The following PDE10A variants were observed in gnomAD, a reference collection of about 807,000 sequenced individuals.
PDE10A encodes cAMP and cAMP-inhibited cGMP 3',5'-cyclic phosphodiesterase 10A.
PDE10A carries 39 observed loss-of-function variants against 97.7 expected under a neutral mutation model. That is an observed-to-expected ratio of 0.40 (90% CI 0.31 to 0.52). The LOEUF (loss-of-function observed/expected upper bound fraction) is 0.52. Ranked by LOEUF, PDE10A falls within the 20% of genes least tolerant of loss-of-function variation. The probability of loss-of-function intolerance (pLI) is 0.56; values close to 1 mark genes in which losing one functional copy is unlikely to be tolerated. For missense variants in PDE10A, 731 were observed against 1,047.8 expected (o/e 0.70, Z 4.17); for synonymous variants, 371 against 376.8 (o/e 0.98, Z 0.18).
intron 1 of PDE10A, among the ~76,000 whole-genome samples, chr6:165,615,110 T>C (rs1787666928): frequency 6.6e-6 from 1 of 150,642 alleles, no homozygotes; most frequent in Non-Finnish European, 1.5e-5. Flanking sequence ...CTCAGGAGGC[T>C]GAGGCAGGAG....
intron 13 of PDE10A, among the ~76,000 whole-genome samples, chr6:165,405,394 A>T (rs142869026): frequency 6.6e-6 from 1 of 152,332 alleles, no homozygotes; most frequent in Non-Finnish European, 1.5e-5. Flanking sequence ...CAAACCAGCT[A>T]TATATTTAAC....
At chr6:165,479,061 C>T (rs1269839743) in intron 3 of PDE10A, among the ~76,000 whole-genome samples, 1 of 152,148 alleles carries the variant, frequency 6.6e-6, no homozygotes, top group Admixed American at 6.5e-5. Context: ...CTCAGAACCT[C>T]CTGAGGTTGT....
At chr6:165,863,977 T>C (rs111702993) in intron 1 of PDE10A, among the ~76,000 whole-genome samples, 2 of 152,288 alleles carry the variant, frequency 1.3e-5, no homozygotes, top group South Asian at 2.1e-4. Flanking sequence ...CTAAAGGGAA[T>C]ATGCCTAAGG....
chr6:165,623,199 C>T (rs1448696918), intron 1 of PDE10A, among the ~76,000 whole-genome samples: 2 of 152,190 alleles, frequency 1.3e-5, no homozygotes, highest in Non-Finnish European at 2.9e-5. Context: ...GATCTCAGCT[C>T]ACTGCAACCT....
intron 3 of PDE10A, 123 bp downstream of exon 3, chr6:165,482,192 G>A: frequency 2.6e-6 from 2 of 761,564 alleles, no homozygotes; most frequent in Admixed American, 1.8e-5. Flanking sequence ...TGATACTTTG[G>A]AGAGGAAACT....
At chr6:165,763,466 G>A (rs923220171) in intron 1 of PDE10A, among the ~76,000 whole-genome samples, 8 of 152,128 alleles carry the variant, frequency 5.3e-5, no homozygotes, top group African/African-American at 1.9e-4. Flanking sequence ...GGGATTACAG[G>A]CGCCCACCAC....
chr6:165,484,695 G>A (rs1052283637), intron 2 of PDE10A, among the ~76,000 whole-genome samples: 1 of 152,216 alleles, frequency 6.6e-6, no homozygotes, highest in Non-Finnish European at 1.5e-5. Context: ...GTGACAAGCT[G>A]CATCTGGCTG....
intron 1 of PDE10A, among the ~76,000 whole-genome samples, chr6:165,570,818 G>A (rs76924967): frequency 9.8e-4 from 149 of 152,258 alleles, no homozygotes; most frequent in Non-Finnish European, 1.8e-3. Flanking sequence ...TCCAAACACT[G>A]AATCAGCAAA....
chr6:165,926,140 G>A (rs1292123714), intron 1 of PDE10A, among the ~76,000 whole-genome samples: 1 of 152,176 alleles, frequency 6.6e-6, no homozygotes, highest in Non-Finnish European at 1.5e-5. Context: ...TCTGCCTGGA[G>A]CAACCCTGGC....
At chr6:165,679,688 G>A (rs1343614078) in intron 1 of PDE10A, among the ~76,000 whole-genome samples, 3 of 152,292 alleles carry the variant, frequency 2.0e-5, no homozygotes, top group East Asian at 1.9e-4. Flanking sequence ...AAGTGTTTGC[G>A]ACCTACAGAA....
At chr6:165,566,056 T>C (rs539254816) in intron 1 of PDE10A, among the ~76,000 whole-genome samples, 2 of 152,094 alleles carry the variant, frequency 1.3e-5, no homozygotes, top group Non-Finnish European at 2.9e-5. Context: ...AAAGACAAGA[T>C]CCATGAAAGA....
chr6:165,372,072 G>GT (rs1236202619), intron 18 of PDE10A, among the ~76,000 whole-genome samples: 1 of 150,236 alleles, frequency 6.7e-6, no homozygotes, highest in African/African-American at 2.5e-5. Flanking sequence ...TTGATAGGAC[G>GT]TATCTCAAAA....
At position 165,343,514 on chromosome 6, in the gene PDE10A, C is replaced by A. The variant is rs1188806718; in HGVS notation, c.2784-12G>T. The A allele has an allele frequency of 1.3e-6, 2 of 1,552,600 alleles. No individual in the cohort carries two copies. Among genetic ancestry groups the A allele is most frequent in the East Asian group, 2.2e-5 (1 of 44,574 alleles). On this transcript the variant is annotated splice_polypyrimidine_tract_variant and intron_variant, in intron 18 of 21. Transcript: ENST00000539869. ...CAATTACACGGTCTCTAGAACACAA[C>A]AATATAAGACTGGTCAGCATAGCAT... is the stretch of plus-strand genomic sequence containing the variant.
rs78721116 is a variant in PDE10A, at chr6:165,416,166, T to G, written c.1889+23A>C. 3.0e-3 allele frequency: 4,287 copies of G among 1,434,544 alleles called. 22 individuals carry two copies. The highest frequency in any genetic ancestry group is 0.01 in the Middle Eastern group (58 of 5,720). The allele number at this position is 1,434,544 out of a possible 1,614,324, so 88.9% of individuals were successfully genotyped here. A position where few individuals can be genotyped will look rare whatever the true frequency, so the allele number is the denominator to read the frequency against. On this transcript the variant is annotated intron_variant, in intron 12 of 21. Transcript: ENST00000539869. ...GACATCACAGAAGAAATCAATGGAG[T>G]GTCGACATCAGCTATTTCTTACCTG...
intron 13 of PDE10A, among the ~76,000 whole-genome samples, chr6:165,407,341 C>T (rs1278123094): frequency 1.3e-5 from 2 of 152,134 alleles, no homozygotes; most frequent in Middle Eastern, 3.2e-3. Flanking sequence ...CACATACTTG[C>T]TATGTGCCCT....
At chr6:165,523,819 C>T (rs768756530) in intron 2 of PDE10A, among the ~76,000 whole-genome samples, 12 of 152,066 alleles carry the variant, frequency 7.9e-5, no homozygotes, top group Admixed American at 2.0e-4. Flanking sequence ...ACAAACAGAC[C>T]ATTGTGACGG....
At chr6:165,334,523 T>C (rs981950481) in intron 21 of PDE10A, among the ~76,000 whole-genome samples, 1 of 152,266 alleles carries the variant, frequency 6.6e-6, no homozygotes, top group Admixed American at 6.5e-5. Flanking sequence ...TCCAAGTACC[T>C]GGCATAAAAC....
At chr6:165,583,306 T>C (rs189744501) in intron 1 of PDE10A, among the ~76,000 whole-genome samples, 2 of 152,326 alleles carry the variant, frequency 1.3e-5, no homozygotes, top group Admixed American at 6.5e-5. Context: ...CTTTAACGTA[T>C]ATTCTCTACC....
chr6:165,633,341 T>C (rs1020851239), intron 1 of PDE10A, among the ~76,000 whole-genome samples: 1 of 152,190 alleles, frequency 6.6e-6, no homozygotes, highest in Non-Finnish European at 1.5e-5. Context: ...GTCCCTGAAA[T>C]GTGGCTCAGA....
Sources: gnomAD v4.1 joint callset for allele counts (sites outside exome capture counted in the v4.1 genomes callset) on GRCh38, gnomAD v4.1.1 for gene constraint, MANE v1.5 for transcripts, NCBI Gene and HGNC (gene_info 2026-07-23, HGNC 2026-07-21) for gene names.